The following ATG7 variants were observed in gnomAD, a reference collection of about 807,000 sequenced individuals.
ATG7 encodes the protein ubiquitin-like modifier-activating enzyme ATG7.
Under a neutral mutation model 82.4 loss-of-function variants are expected in ATG7, and 70 were observed. The observed-to-expected ratio is 0.85, with a 90% CI of 0.70 to 1.04. The LOEUF is 1.04. Among genes scored for constraint, ATG7 ranks in the 50% least tolerant of loss-of-function variants. The probability of loss-of-function intolerance (pLI) is 0.00; values close to 1 mark genes in which losing one functional copy is unlikely to be tolerated. For missense variants in ATG7, 792 were observed against 864.3 expected (o/e 0.92, Z 1.05); for synonymous variants, 287 against 313.0 (o/e 0.92, Z 0.88).
intron 9 of ATG7, among the ~76,000 whole-genome samples, chr3:11,317,267 A>G (rs1949551198): frequency 6.6e-6 from 1 of 152,204 alleles, no homozygotes; most frequent in Admixed American, 6.5e-5. Flanking sequence ...TTAAAGTCCA[A>G]TCTAGTGTGA....
chr3:11,514,284 C>G (rs1479648093), intron 20 of ATG7, among the ~76,000 whole-genome samples: 1 of 152,218 alleles, frequency 6.6e-6, no homozygotes, highest in Non-Finnish European at 1.5e-5. Context: ...ACTAAGCAAA[C>G]TGTTTTCCTT....
the ATG7 span, chr3:11,564,691 T>G: frequency 2.1e-3 from 2,669 of 1,277,060 alleles, 4 homozygotes; most frequent in Middle Eastern, 4.4e-3. Flanking sequence ...CCTCACCACC[T>G]CCCTCCCTCA....
intron 20 of ATG7, among the ~76,000 whole-genome samples, chr3:11,478,989 A>AACACACACAAACACACAC (rs766632953): frequency 0.021 from 1,521 of 73,046 alleles, 56 homozygotes; most frequent in Middle Eastern, 0.034. Flanking sequence ...GTATATTTAC[A>AACACACACAAACACACAC]ACACACACAC....
chr3:11,366,263 C>T (rs561855621), intron 18 of ATG7, among the ~76,000 whole-genome samples: 1 of 151,822 alleles, frequency 6.6e-6, no homozygotes, highest in Non-Finnish European at 1.5e-5. Flanking sequence ...TTCACTTAGC[C>T]TCCCAGAGTC....
At chr3:11,563,191 A>G in the ATG7 span, among the ~76,000 whole-genome samples, 8 of 152,314 alleles carry the variant, frequency 5.3e-5, no homozygotes, top group African/African-American at 1.7e-4. Flanking sequence ...CCCCCAGGTC[A>G]TCAAGGGCCA....
chr3:11,531,551 A>G (rs924315619), intron 20 of ATG7, among the ~76,000 whole-genome samples: 4 of 152,206 alleles, frequency 2.6e-5, no homozygotes, highest in African/African-American at 9.6e-5. Flanking sequence ...ATTGGTTTGC[A>G]CTAAACTCTA....
chr3:11,376,371 A>C (rs1009054828), intron 18 of ATG7, among the ~76,000 whole-genome samples: 5 of 152,192 alleles, frequency 3.3e-5, no homozygotes, highest in Admixed American at 1.3e-4. Flanking sequence ...AAACTCCAAA[A>C]CTATTCCTCA....
intron 4 of ATG7, 32 bp downstream of exon 4, chr3:11,298,887 C>T: frequency 6.2e-7 from 1 of 1,611,114 alleles, no homozygotes; most frequent in African/African-American, 1.3e-5. Context: ...TTTCCATCAT[C>T]TTCTGTTATC....
Position 11,556,112 on chromosome 3 carries a change from G to A in ATG7, c.*1269G>A, listed in dbSNP as rs369442149. On this transcript the variant is annotated 3_prime_UTR_variant, in exon 21 of 21. Transcript: ENST00000693202. ...TTATTGTTCTTAAGGCTACTTTTAA[G>A]TACAAAAAAAGATGGCCTGCCAAAC... The A allele has an allele frequency of 1.3e-5, 2 of 152,448 alleles. No individual in the cohort carries two copies. Among genetic ancestry groups the A allele is most frequent in the Non-Finnish European group, 2.9e-5 (2 of 67,962 alleles). 9.4% of individuals were successfully genotyped at this position (152,448 alleles called of 1,614,324 possible).
At chr3:11,407,483 T>C (rs2080457444) in intron 19 of ATG7, among the ~76,000 whole-genome samples, 1 of 152,176 alleles carries the variant, frequency 6.6e-6, no homozygotes, top group South Asian at 2.1e-4. Context: ...TTCTCACAGC[T>C]TCACTAGGCA....
intron 19 of ATG7, among the ~76,000 whole-genome samples, chr3:11,391,156 C>T (rs1415588222): frequency 6.6e-6 from 1 of 152,126 alleles, no homozygotes; most frequent in African/African-American, 2.4e-5. Flanking sequence ...AAAAACTTTC[C>T]ATCTTTAGAA....
At chr3:11,576,099 CTG>C in the ATG7 span, among the ~76,000 whole-genome samples, 1 of 152,222 alleles carries the variant, frequency 6.6e-6, no homozygotes, top group Admixed American at 6.5e-5. Context: ...CAGGTCATGG[CTG>C]AGAACATGAC....
intron 1 of ATG7, among the ~76,000 whole-genome samples, chr3:11,280,211 C>G (rs1486205272): frequency 6.6e-6 from 1 of 151,930 alleles, no homozygotes; most frequent in Non-Finnish European, 1.5e-5. Context: ...CATGCCCGGC[C>G]CTTTTTTTGT....
At position 11,556,625 on chromosome 3, in the gene ATG7, C is replaced by T. The variant is rs1315989439; in HGVS notation, c.*1782C>T. The stretch of plus-strand genomic sequence containing the variant: ...AAAAAAAAGATCAACTTTTTTTTTC[C>T]GAACAACAAAAAAAATGAATGATTA... On this transcript the variant is annotated 3_prime_UTR_variant, in exon 21 of 21. Transcript: ENST00000693202. 6.0e-5 allele frequency: 9 copies of T among 151,210 alleles called. No homozygotes were observed. The highest frequency in any genetic ancestry group is 1.9e-4 in the East Asian group (1 of 5,234). The allele number at this position is 151,210 out of a possible 1,614,324, so 9.4% of individuals were successfully genotyped here. A position where few individuals can be genotyped will look rare whatever the true frequency, so the allele number is the denominator to read the frequency against.
At chr3:11,509,266 C>T (rs1007653952) in intron 20 of ATG7, among the ~76,000 whole-genome samples, 6 of 152,122 alleles carry the variant, frequency 3.9e-5, no homozygotes, top group Non-Finnish European at 5.9e-5. Context: ...TGGCTGCTGC[C>T]GGCAGGAGGG....
At chr3:11,289,105 C>T (rs1460455437) in intron 3 of ATG7, among the ~76,000 whole-genome samples, 1 of 152,198 alleles carries the variant, frequency 6.6e-6, no homozygotes, top group Admixed American at 6.5e-5. Flanking sequence ...TAATTTCTTT[C>T]CTTGACTGTG....
chr3:11,308,796 G>A (rs1948173965), intron 6 of ATG7, 188 bp from the exon 7 acceptor site: 1 of 618,256 alleles, frequency 1.6e-6, no homozygotes, highest in East Asian at 2.8e-5. Flanking sequence ...GTTGAAGGGA[G>A]TGTGGCTGGG....
At chr3:11,382,385 T>TG (rs2077973950) in intron 19 of ATG7, among the ~76,000 whole-genome samples, 1 of 152,252 alleles carries the variant, frequency 6.6e-6, no homozygotes, top group Non-Finnish European at 1.5e-5. Flanking sequence ...GCAGGAAAGT[T>TG]GGAACATTTA....
At chr3:11,535,051 T>C (rs2092763899) in intron 20 of ATG7, among the ~76,000 whole-genome samples, 1 of 152,242 alleles carries the variant, frequency 6.6e-6, no homozygotes, top group South Asian at 2.1e-4. Flanking sequence ...TCCCTGCCCT[T>C]GCGGGTCACC....
Sources: gnomAD v4.1 joint callset for allele counts (sites outside exome capture counted in the v4.1 genomes callset) on GRCh38, gnomAD v4.1.1 for gene constraint, MANE v1.5 for transcripts, NCBI Gene and HGNC (gene_info 2026-07-23, HGNC 2026-07-21) for gene names.